Variants in NSUN6 observed in about 807,000 individuals in gnomAD.
NSUN6 encodes the protein NOP2/Sun RNA methyltransferase 6.
In NSUN6, 64 loss-of-function variants were observed where a neutral mutation model predicts 58.0. The observed-to-expected ratio is 1.10, with a 90% CI of 0.90 to 1.36. The LOEUF is 1.36. NSUN6 is among the 40% of genes most tolerant of loss of function. The pLI is 0.00. For missense variants in NSUN6, 701 were observed against 550.1 expected, an observed-to-expected ratio of 1.27 and a Z score of -2.74; for synonymous variants, 231 against 193.9, an observed-to-expected ratio of 1.19 and a Z score of -1.59.
rs1407249608 is a variant in NSUN6, at chr10:18,551,886, G to A, written c.1008C>T (p.Ala336=). ...CSGMGQRPNM[A]CTWSVKEVAS... is the part of the protein sequence containing the mutation. ...CCACTTCCTTCACAGACCAAGTACA[G>A]GCCATGTTTGGTCTCTGTCCCATTC... The change falls in exon 9 of 11, where the codon GCC becomes GCT. Residue 336 remains alanine (A), a synonymous_variant. Coordinates refer to ENST00000377304, the MANE Select transcript of NSUN6 (RefSeq NM_182543.5). The A allele has an allele frequency of 1.2e-6, 2 of 1,613,146 alleles. No homozygotes were observed. Among genetic ancestry groups the A allele is most frequent in the South Asian group, 1.1e-5 (1 of 91,006 alleles).
chr10:18,625,116 G>A (rs1194284679), intron 3 of NSUN6, among the ~76,000 whole-genome samples: 1 of 152,110 alleles, frequency 6.6e-6, no homozygotes, highest in Non-Finnish European at 1.5e-5. Flanking sequence ...GCCTGTGTTT[G>A]GTTTCTTCCA....
chr10:18,609,703 T>C, intron 6 of NSUN6, 142 bp downstream of exon 6: 2 of 477,066 alleles, frequency 4.2e-6, no homozygotes, highest in Non-Finnish European at 7.6e-6. Context: ...TAAAGTTTTT[T>C]CTTACTGCTT....
At chr10:18,583,839 T>A (rs2057010583) in intron 8 of NSUN6, among the ~76,000 whole-genome samples, 1 of 152,216 alleles carries the variant, frequency 6.6e-6, no homozygotes. Context: ...AGTGCTTGCA[T>A]TTTTCTAAGA....
At chr10:18,569,445 CCTT>C (rs1399853239) in intron 8 of NSUN6, among the ~76,000 whole-genome samples, 2 of 151,092 alleles carry the variant, frequency 1.3e-5, no homozygotes, top group East Asian at 2.0e-4. Context: ...ATTCCATTCT[CCTT>C]ACCAACCTCC....
rs114357585 is a variant in NSUN6, at chr10:18,570,666, T to C, written c.922+15283A>G. Among the ~76,000 whole-genome samples, 751 of 150,138 alleles carry C rather than the reference T, an allele frequency of 5.0e-3. 5 individuals carry two copies. Among genetic ancestry groups the C allele is most frequent in the African/African-American group, 0.018 (713 of 40,678 alleles). ...CATACCATCATCCATTCCATTCCAT[T>C]CTATTCTCCATTCCATTTCATGCTC... On this transcript the variant is annotated intron_variant, in intron 8 of 10. Transcript: ENST00000377304.
At chr10:18,596,093 T>G in intron 7 of NSUN6, 115 bp downstream of exon 7, 1 of 810,038 alleles carries the variant, frequency 1.2e-6, no homozygotes, top group East Asian at 2.5e-5. Flanking sequence ...TGAATAGTTT[T>G]CATTTTGGCT....
intron 10 of NSUN6, among the ~76,000 whole-genome samples, chr10:18,547,321 T>C (rs2054334371): frequency 6.6e-6 from 1 of 152,200 alleles, no homozygotes; most frequent in African/African-American, 2.4e-5. Flanking sequence ...CCCTTTTAGG[T>C]ATATATTTTG....
intron 8 of NSUN6, among the ~76,000 whole-genome samples, chr10:18,558,334 A>G (rs1327987810): frequency 7.3e-6 from 1 of 137,046 alleles, no homozygotes; most frequent in East Asian, 2.0e-4. Context: ...AATGGAATGG[A>G]ATGAGGAATG....
intron 10 of NSUN6, among the ~76,000 whole-genome samples, chr10:18,547,357 T>C (rs2054337749): frequency 6.6e-6 from 1 of 152,222 alleles, no homozygotes; most frequent in African/African-American, 2.4e-5. Flanking sequence ...CCAAATGAAT[T>C]CCGAAGTCTT....
chr10:18,608,856 G>A (rs1019644637), intron 6 of NSUN6, among the ~76,000 whole-genome samples: 3 of 152,012 alleles, frequency 2.0e-5, no homozygotes, highest in South Asian at 2.1e-4. Context: ...ATTAGCAAAC[G>A]AAAATTCCCA....
intron 7 of NSUN6, among the ~76,000 whole-genome samples, chr10:18,592,398 G>T (rs1289101225): frequency 6.6e-6 from 1 of 152,034 alleles, no homozygotes; most frequent in Non-Finnish European, 1.5e-5. Context: ...ACCAAAAAAG[G>T]GCAAGTATAG....
chr10:18,550,185 G>C (rs2054515724), intron 9 of NSUN6, among the ~76,000 whole-genome samples: 1 of 152,182 alleles, frequency 6.6e-6, no homozygotes, highest in Non-Finnish European at 1.5e-5. Context: ...GACCTAATAA[G>C]AACAGAAATC....
chr10:18,570,640 C>G (rs529673075), intron 8 of NSUN6, among the ~76,000 whole-genome samples: 9 of 150,120 alleles, frequency 6.0e-5, no homozygotes, highest in Admixed American at 2.7e-4. Context: ...ATTCCATTCT[C>G]CATACCATCA....
chr10:18,560,321 G>T (rs1345648135), intron 8 of NSUN6, among the ~76,000 whole-genome samples: 1 of 151,382 alleles, frequency 6.6e-6, no homozygotes, highest in Non-Finnish European at 1.5e-5. Context: ...ATAATGGAAT[G>T]GAGAATGGAA....
chr10:18,655,286 AGCTACTAGGGTGC>A, upstream of NSUN6: 2 of 231,992 alleles, frequency 8.6e-6, no homozygotes, highest in Non-Finnish European at 7.1e-6. Flanking sequence ...TCTGGTGTCA[AGCTACTAGGGTGC>A]AGATTCCAGT....
At chr10:18,560,218 T>TATGGA (rs747164684) in intron 8 of NSUN6, among the ~76,000 whole-genome samples, 9 of 141,338 alleles carry the variant, frequency 6.4e-5, no homozygotes, top group Non-Finnish European at 1.4e-4. Flanking sequence ...TGGAGAATGG[T>TATGGA]ATGGAATGGA....
intron 9 of NSUN6, among the ~76,000 whole-genome samples, chr10:18,550,571 G>A (rs2054537044): frequency 6.6e-6 from 1 of 152,046 alleles, no homozygotes; most frequent in Non-Finnish European, 1.5e-5. Context: ...ATCCTCAAAT[G>A]TTCTATCTGG....
chr10:18,597,710 G>A (rs918667403), intron 6 of NSUN6, among the ~76,000 whole-genome samples: 1 of 152,154 alleles, frequency 6.6e-6, no homozygotes, highest in African/African-American at 2.4e-5. Flanking sequence ...AGTTTGCAGT[G>A]AGCAGAGATA....
chr10:18,568,421 TTTCATTCCATTGTCCATTCCAGCTCCA>T (rs2056122798), intron 8 of NSUN6, among the ~76,000 whole-genome samples: 1 of 131,576 alleles, frequency 7.6e-6, no homozygotes, highest in Non-Finnish European at 1.6e-5. Flanking sequence ...CCATTCTCCA[TTTCATTCCATTGTCCATTCCAGCTCCA>T]TCTCCATTCC....
Sources: gnomAD v4.1 joint callset for allele counts (sites outside exome capture counted in the v4.1 genomes callset) on GRCh38, gnomAD v4.1.1 for gene constraint, MANE v1.5 for transcripts, NCBI Gene and HGNC (gene_info 2026-07-23, HGNC 2026-07-21) for gene names.